OR2L13: variants seen among roughly 807,000 people sequenced by gnomAD.
The protein encoded by OR2L13 is olfactory receptor family 2 subfamily L member 13.
A neutral mutation model predicts 15.3 loss-of-function variants in OR2L13; 14 were observed. The observed-to-expected ratio is 0.91, with a 90% CI of 0.60 to 1.43. The LOEUF is 1.43. Ranked by LOEUF, OR2L13 falls within the 40% of genes most tolerant of loss-of-function variation. The pLI is 0.00. For synonymous variants in OR2L13, 152 were observed against 142.9 expected, an observed-to-expected ratio of 1.06 and a Z score of -0.45; for missense variants, 367 against 387.9, an observed-to-expected ratio of 0.95 and a Z score of 0.45.
chr1:248,055,323 T>A, the OR2L13 span, among the ~76,000 whole-genome samples: 1 of 152,210 alleles, frequency 6.6e-6, no homozygotes, highest in Non-Finnish European at 1.5e-5. Context: ...TTTGATGTGC[T>A]GCTGGATTCA....
At chr1:248,003,487 T>C in the OR2L13 span, 1 of 1,610,562 alleles carries the variant, frequency 6.2e-7, no homozygotes, top group Middle Eastern at 1.7e-4. Flanking sequence ...CAATGGCCTA[T>C]GTTCGTTGCA....
chr1:248,011,830 C>G, the OR2L13 span, among the ~76,000 whole-genome samples: 1 of 152,144 alleles, frequency 6.6e-6, no homozygotes, highest in Non-Finnish European at 1.5e-5. Flanking sequence ...TATCAATCCT[C>G]CTGCCCTCAG....
the OR2L13 span, among the ~76,000 whole-genome samples, chr1:248,085,972 A>C: frequency 1.3e-5 from 2 of 152,220 alleles, no homozygotes; most frequent in Non-Finnish European, 2.9e-5. Flanking sequence ...CCTCCTGTGC[A>C]GGCCAGGTCC....
the OR2L13 span, among the ~76,000 whole-genome samples, chr1:247,994,966 C>A: frequency 6.6e-6 from 1 of 152,080 alleles, no homozygotes; most frequent in African/African-American, 2.4e-5. Flanking sequence ...TCTCACTTTC[C>A]TTAGTATGGT....
At chr1:247,983,832 GC>G in the OR2L13 span, among the ~76,000 whole-genome samples, 1 of 152,230 alleles carries the variant, frequency 6.6e-6, no homozygotes, top group African/African-American at 2.4e-5. Context: ...TTTCTTCCAA[GC>G]TTAGCTGAGG....
At chr1:247,973,314 A>G in the OR2L13 span, among the ~76,000 whole-genome samples, 3 of 152,178 alleles carry the variant, frequency 2.0e-5, no homozygotes, top group Non-Finnish European at 4.4e-5. Context: ...AGGATATTCA[A>G]ATAGGAAGGG....
At chr1:247,953,495 G>T in the OR2L13 span, among the ~76,000 whole-genome samples, 1 of 152,076 alleles carries the variant, frequency 6.6e-6, no homozygotes, top group Non-Finnish European at 1.5e-5. Context: ...TAAAGGATGA[G>T]TATCTTTCTC....
chr1:248,076,938 C>T, the OR2L13 span, among the ~76,000 whole-genome samples: 3 of 152,088 alleles, frequency 2.0e-5, no homozygotes, highest in African/African-American at 7.2e-5. Context: ...AAAGGGAATG[C>T]TTTCAATTTT....
chr1:248,021,965 A>C, the OR2L13 span: 2 of 1,613,180 alleles, frequency 1.2e-6, no homozygotes, highest in Non-Finnish European at 1.7e-6. Context: ...ATTACAATCA[A>C]ACGTCAACTG....
exon 3 of OR2L13, chr1:248,099,565 C>A: frequency 6.2e-7 from 1 of 1,614,096 alleles, no homozygotes; most frequent in Non-Finnish European, 8.5e-7. Context: ...TCTTCTCAGC[C>A]AGCTCTCCCT....
the OR2L13 span, among the ~76,000 whole-genome samples, chr1:248,078,700 G>A: frequency 6.6e-6 from 1 of 151,872 alleles, no homozygotes; most frequent in Non-Finnish European, 1.5e-5. Flanking sequence ...ACTTGTAATA[G>A]CAAAATCTGT....
the OR2L13 span, among the ~76,000 whole-genome samples, chr1:248,036,604 A>G: frequency 3.3e-5 from 5 of 151,978 alleles, no homozygotes; most frequent in African/African-American, 1.2e-4. Context: ...ACACTTCCTC[A>G]AAGGTCGGCT....
At chr1:248,027,709 G>A in the OR2L13 span, among the ~76,000 whole-genome samples, 2 of 152,148 alleles carry the variant, frequency 1.3e-5, no homozygotes, top group Admixed American at 1.3e-4. Context: ...CAAAGAAACA[G>A]AGAGTAGAAT....
chr1:248,095,565 T>C (rs909518165), upstream of OR2L13, among the ~76,000 whole-genome samples: 3 of 149,854 alleles, frequency 2.0e-5, no homozygotes, highest in Non-Finnish European at 4.4e-5. Context: ...TAAATAATTA[T>C]ATGGAATGTT....
the OR2L13 span, among the ~76,000 whole-genome samples, chr1:247,964,173 G>C: frequency 6.6e-6 from 1 of 152,144 alleles, no homozygotes; most frequent in African/African-American, 2.4e-5. Context: ...TTGGCCTCCA[G>C]TGAGTTTTGT....
chr1:248,074,619 A>T, the OR2L13 span, among the ~76,000 whole-genome samples: 1 of 152,162 alleles, frequency 6.6e-6, no homozygotes, highest in Admixed American at 6.6e-5. Context: ...GCAAGCATGG[A>T]CACATGCTTG....
the OR2L13 span, among the ~76,000 whole-genome samples, chr1:248,015,485 C>A: frequency 2.0e-5 from 3 of 152,154 alleles, no homozygotes; most frequent in Non-Finnish European, 2.9e-5. Flanking sequence ...GGAATTCAGG[C>A]TGACTTACGA....
the OR2L13 span, among the ~76,000 whole-genome samples, chr1:248,044,127 G>A: frequency 6.6e-6 from 1 of 152,002 alleles, no homozygotes; most frequent in Non-Finnish European, 1.5e-5. Flanking sequence ...GCAAGTCCCC[G>A]GCTCATTTTC....
the OR2L13 span, among the ~76,000 whole-genome samples, chr1:247,958,712 CT>C: frequency 1.3e-5 from 2 of 151,880 alleles, no homozygotes; most frequent in Admixed American, 6.6e-5. Context: ...TTCTTTGTCT[CT>C]TTTGATCTTT....
Sources: gnomAD v4.1 joint callset for allele counts (sites outside exome capture counted in the v4.1 genomes callset) on GRCh38, gnomAD v4.1.1 for gene constraint, MANE v1.5 for transcripts, NCBI Gene and HGNC (gene_info 2026-07-23, HGNC 2026-07-21) for gene names.